The following LEKR1 variants were observed in gnomAD, a reference collection of about 807,000 sequenced individuals.
LEKR1 encodes the protein protein LEKR1.
LEKR1 carries 59 observed loss-of-function variants against 72.4 expected under a neutral mutation model. That is an observed-to-expected ratio of 0.82 (90% CI 0.66 to 1.01). The LOEUF (loss-of-function observed/expected upper bound fraction) is 1.01. Among genes scored for constraint, LEKR1 ranks in the 50% least tolerant of loss-of-function variants. The pLI, the probability that LEKR1 is intolerant of heterozygous loss-of-function variation, is 0.00. For missense variants in LEKR1, 728 were observed against 759.2 expected, an observed-to-expected ratio of 0.96 and a Z score of 0.48; for synonymous variants, 257 against 263.2, an observed-to-expected ratio of 0.98 and a Z score of 0.23.
At chr3:156,938,897 A>G (rs1008219202) in intron 5 of LEKR1, among the ~76,000 whole-genome samples, 1 of 152,216 alleles carries the variant, frequency 6.6e-6, no homozygotes, top group Admixed American at 6.5e-5. Context: ...TCACAGGACT[A>G]ATAACAAAAC....
At chr3:156,847,458 G>A (rs1375617267) in intron 2 of LEKR1, among the ~76,000 whole-genome samples, 3 of 152,130 alleles carry the variant, frequency 2.0e-5, no homozygotes, top group Non-Finnish European at 4.4e-5. Context: ...CTTTCAAAAC[G>A]AGAGGATGAT....
intron 5 of LEKR1, among the ~76,000 whole-genome samples, chr3:156,931,068 T>C (rs1725181821): frequency 6.6e-6 from 1 of 152,164 alleles, no homozygotes; most frequent in African/African-American, 2.4e-5. Context: ...AATTAGACTT[T>C]ATCAGAATTA....
At chr3:156,961,313 G>A (rs1728112150) in intron 6 of LEKR1, among the ~76,000 whole-genome samples, 1 of 152,176 alleles carries the variant, frequency 6.6e-6, no homozygotes, top group East Asian at 1.9e-4. Context: ...CACTTTAAGT[G>A]TACAATTCAG....
At chr3:157,005,412 C>T (rs1379256696) in intron 9 of LEKR1, among the ~76,000 whole-genome samples, 4 of 152,020 alleles carry the variant, frequency 2.6e-5, no homozygotes, top group African/African-American at 4.8e-5. Flanking sequence ...TCAAACTCTT[C>T]CTGAAAATTG....
intron 2 of LEKR1, among the ~76,000 whole-genome samples, chr3:156,851,893 A>T (rs1053020045): frequency 3.3e-5 from 5 of 152,162 alleles, no homozygotes; most frequent in Admixed American, 3.3e-4. Context: ...AAACAAGCAG[A>T]GGCTACTGAG....
At chr3:157,015,198 T>C (rs1733212492) in intron 10 of LEKR1, among the ~76,000 whole-genome samples, 2 of 152,134 alleles carry the variant, frequency 1.3e-5, no homozygotes, top group African/African-American at 2.4e-5. Flanking sequence ...GAGGAAACCT[T>C]GCAGCGTCCT....
chr3:156,869,882 T>C (rs1166954163), intron 3 of LEKR1, among the ~76,000 whole-genome samples: 1 of 152,086 alleles, frequency 6.6e-6, no homozygotes, highest in African/African-American at 2.4e-5. Flanking sequence ...TTGATTTCTG[T>C]ATATGGTGAG....
At chr3:156,917,484 A>G (rs1450169754) in intron 3 of LEKR1, among the ~76,000 whole-genome samples, 1 of 152,044 alleles carries the variant, frequency 6.6e-6, no homozygotes, top group East Asian at 1.9e-4. Context: ...TTCTTTCAGA[A>G]AAAGCTTCTG....
At chr3:156,900,186 A>G (rs113162327) in intron 3 of LEKR1, among the ~76,000 whole-genome samples, 5 of 152,294 alleles carry the variant, frequency 3.3e-5, no homozygotes, top group African/African-American at 9.6e-5. Flanking sequence ...TTGTGGGAAG[A>G]ATGTGGGTCC....
intron 2 of LEKR1, among the ~76,000 whole-genome samples, chr3:156,835,459 G>A (rs112615941): frequency 5.9e-5 from 9 of 152,296 alleles, no homozygotes; most frequent in African/African-American, 1.2e-4. Flanking sequence ...CCGTTTTTAC[G>A]CCTAATCCTG....
chr3:157,028,447 A>G (rs1229983411), intron 12 of LEKR1, 45 bp downstream of exon 12: 3 of 1,462,024 alleles, frequency 2.1e-6, no homozygotes, highest in African/African-American at 2.9e-5. Context: ...CAAAGAGCAC[A>G]TGTTCTTTCA....
chr3:156,892,182 C>G (rs988776308), intron 3 of LEKR1, among the ~76,000 whole-genome samples: 1 of 152,058 alleles, frequency 6.6e-6, no homozygotes, highest in African/African-American at 2.4e-5. Context: ...TAGGAGGTCT[C>G]TAAGCGGGGG....
chr3:156,848,063 A>G (rs1393958433), intron 2 of LEKR1, among the ~76,000 whole-genome samples: 1 of 152,222 alleles, frequency 6.6e-6, no homozygotes, highest in Non-Finnish European at 1.5e-5. Context: ...AAGAACTGCA[A>G]TTAATAGGCA....
intron 3 of LEKR1, among the ~76,000 whole-genome samples, chr3:156,872,768 G>A (rs62275179): frequency 0.032 from 4,840 of 151,820 alleles, 118 homozygotes; most frequent in Non-Finnish European, 0.048. Context: ...TCCCCTTGTT[G>A]TTGATTTTTA....
intron 7 of LEKR1, among the ~76,000 whole-genome samples, chr3:156,982,417 G>C (rs1465833724): frequency 1.3e-5 from 2 of 152,170 alleles, no homozygotes; most frequent in East Asian, 3.8e-4. Context: ...TGAGAAAAAA[G>C]AATTATCAGA....
intron 10 of LEKR1, among the ~76,000 whole-genome samples, chr3:157,018,272 G>A (rs1025476113): frequency 3.3e-5 from 5 of 151,998 alleles, no homozygotes; most frequent in African/African-American, 1.2e-4. Flanking sequence ...TTTATACAAT[G>A]GAAAATGGTA....
At chr3:156,924,541 G>A in intron 4 of LEKR1, 1 of 674,158 alleles carries the variant, frequency 1.5e-6, no homozygotes, top group Non-Finnish European at 2.7e-6. Flanking sequence ...AAGCCGGTCA[G>A]AAGGATTTTC....
At chr3:156,868,256 C>T (rs530134129) in intron 3 of LEKR1, among the ~76,000 whole-genome samples, 6 of 152,010 alleles carry the variant, frequency 3.9e-5, no homozygotes, top group Non-Finnish European at 8.8e-5. Context: ...TGTGGTTTCA[C>T]GTAGTTGGAA....
chr3:156,941,506 A>C (rs573617307), intron 5 of LEKR1, among the ~76,000 whole-genome samples: 1 of 152,130 alleles, frequency 6.6e-6, no homozygotes, highest in East Asian at 1.9e-4. Context: ...TGTGGTCTTC[A>C]CTGGCCCACA....
Sources: allele counts gnomAD v4.1 joint callset (sites outside exome capture counted in the v4.1 genomes callset), GRCh38; gene constraint gnomAD v4.1.1; transcripts MANE v1.5; gene names NCBI Gene and HGNC (gene_info 2026-07-23, HGNC 2026-07-21).